The following RPGRIP1L variants were observed in gnomAD, a reference collection of about 807,000 sequenced individuals.
RPGRIP1L encodes the protein protein fantom.
Under a neutral mutation model 160.4 loss-of-function variants are expected in RPGRIP1L, and 131 were observed. The observed-to-expected ratio is 0.82, with a 90% CI of 0.71 to 0.94. The LOEUF (loss-of-function observed/expected upper bound fraction) is 0.94. Ranked by LOEUF, RPGRIP1L falls within the 40% of genes least tolerant of loss-of-function variation. The pLI is 0.00. For missense variants in RPGRIP1L, 1,522 were observed against 1,535.8 expected (o/e 0.99, Z 0.15); for synonymous variants, 510 against 515.8 (o/e 0.99, Z 0.15).
intron 1 of RPGRIP1L, among the ~76,000 whole-genome samples, chr16:53,702,994 C>A (rs556291403): frequency 6.1e-4 from 93 of 152,266 alleles, no homozygotes; most frequent in African/African-American, 2.2e-3. Context: ...ATTGGCTGTG[C>A]GTGGTGGCTC....
chr16:53,696,137 C>T lies in RPGRIP1L; in HGVS notation c.230+14G>A, dbSNP rs1970739259. On this transcript the variant is annotated intron_variant, in intron 3 of 26. Transcript: ENST00000647211. ...CTGAGTCAAGAAAAAAAGCTAAAAG[C>T]TTTTTATCATAACCTTTTAATTTTA... 1 of 1,612,854 alleles carries T rather than the reference C, an allele frequency of 6.2e-7. No homozygotes were observed. The highest frequency in any genetic ancestry group is 1.3e-5 in the African/African-American group (1 of 74,988).
intron 15 of RPGRIP1L, among the ~76,000 whole-genome samples, chr16:53,650,288 C>T (rs1966841748): frequency 6.6e-6 from 1 of 152,164 alleles, no homozygotes; most frequent in African/African-American, 2.4e-5. Context: ...CAAGAAGGCC[C>T]TTACCAGATG....
chr16:53,620,969 C>T (rs551598232), intron 23 of RPGRIP1L, among the ~76,000 whole-genome samples: 2 of 152,122 alleles, frequency 1.3e-5, no homozygotes, highest in African/African-American at 4.8e-5. Flanking sequence ...ATAGCAATAA[C>T]ATCTTATACA....
intron 14 of RPGRIP1L, among the ~76,000 whole-genome samples, chr16:53,654,599 T>A (rs1435835949): frequency 6.6e-6 from 1 of 152,184 alleles, no homozygotes; most frequent in Non-Finnish European, 1.5e-5. Context: ...ACATAACCAT[T>A]TATTTACTTG....
intron 21 of RPGRIP1L, among the ~76,000 whole-genome samples, chr16:53,637,212 A>C (rs149080876): frequency 8.3e-4 from 126 of 152,294 alleles, no homozygotes; most frequent in Admixed American, 2.0e-3. Flanking sequence ...CACCACAGTT[A>C]AGACAGTGAA....
intron 7 of RPGRIP1L, 95 bp downstream of exon 7, chr16:53,674,922 G>A: frequency 1.3e-6 from 1 of 758,952 alleles, no homozygotes. Flanking sequence ...ATGTTCTAGT[G>A]TTATGATAAT....
chr16:53,621,466 C>T (rs1244578906), intron 23 of RPGRIP1L, among the ~76,000 whole-genome samples: 2 of 147,680 alleles, frequency 1.4e-5, no homozygotes, highest in East Asian at 2.0e-4. Flanking sequence ...TACACTACTG[C>T]CATTACTTCG....
chr16:53,684,836 T>C (rs527681339), intron 6 of RPGRIP1L, among the ~76,000 whole-genome samples: 6 of 151,208 alleles, frequency 4.0e-5, no homozygotes, highest in South Asian at 4.2e-4. Flanking sequence ...CCAAAAGCAA[T>C]TGCAGCAAAA....
At chr16:53,664,134 T>C (rs886959448) in intron 10 of RPGRIP1L, among the ~76,000 whole-genome samples, 2 of 152,202 alleles carry the variant, frequency 1.3e-5, no homozygotes, top group African/African-American at 4.8e-5. Context: ...AGCAAATAAT[T>C]CATTTCCCCT....
chr16:53,637,155 C>G (rs1030904406), intron 21 of RPGRIP1L, among the ~76,000 whole-genome samples: 1 of 152,052 alleles, frequency 6.6e-6, no homozygotes, highest in African/African-American at 2.4e-5. Context: ...CAACACTATG[C>G]CTGGCTAAAA....
chr16:53,650,756 C>T (rs1966846643), intron 15 of RPGRIP1L, among the ~76,000 whole-genome samples: 3 of 151,458 alleles, frequency 2.0e-5, no homozygotes, highest in African/African-American at 2.4e-5. Flanking sequence ...CCTAAGTCAC[C>T]CTCCTTCCTT....
chr16:53,671,238 T>C (rs191799664), intron 9 of RPGRIP1L, among the ~76,000 whole-genome samples: 10 of 152,288 alleles, frequency 6.6e-5, no homozygotes, highest in African/African-American at 2.4e-4. Context: ...GCATGGTGTC[T>C]GTTAGTTTAT....
intron 22 of RPGRIP1L, chr16:53,628,738 T>C (rs1965329057): frequency 6.6e-6 from 1 of 152,224 alleles, no homozygotes; most frequent in Non-Finnish European, 1.5e-5. Context: ...TAACATGTTC[T>C]GTTAAAATGT....
chr16:53,647,771 T>C (rs1173758455), intron 16 of RPGRIP1L, among the ~76,000 whole-genome samples: 1 of 152,216 alleles, frequency 6.6e-6, no homozygotes, highest in Non-Finnish European at 1.5e-5. Context: ...TATCCCTCTG[T>C]TACTCAATGT....
At chr16:53,637,146 A>G (rs1308241232) in intron 21 of RPGRIP1L, among the ~76,000 whole-genome samples, 2 of 152,032 alleles carry the variant, frequency 1.3e-5, no homozygotes, top group East Asian at 3.9e-4. Context: ...ACAGATGTGC[A>G]ACACTATGCC....
chr16:53,652,782 A>G lies in RPGRIP1L; in HGVS notation c.1905T>C (p.Tyr635=), dbSNP rs1353551542. The part of the protein sequence containing the change: ...GDKEPVTFCT[Y]AFYDFELQTT... Reference sequence around the variant, plus strand: ...TCTGTAGTTCAAAATCATAGAAAGCATAGGTACAGAAAGTGACAGGCTCTT... The same window carrying G: ...TCTGTAGTTCAAAATCATAGAAAGCGTAGGTACAGAAAGTGACAGGCTCTT... Residue 635 remains tyrosine (Y), a synonymous_variant, in exon 15 of 27, where the codon TAT becomes TAC. Transcript: ENST00000647211. The G allele has an allele frequency of 6.2e-7, 1 of 1,614,174 alleles. No homozygotes were observed. Among genetic ancestry groups the G allele is most frequent in the South Asian group, 1.1e-5 (1 of 91,080 alleles).
At chr16:53,653,152 A>G in intron 14 of RPGRIP1L, 165 bp from the exon 15 acceptor site, 1 of 413,478 alleles carries the variant, frequency 2.4e-6, no homozygotes, top group Non-Finnish European at 3.3e-6. Flanking sequence ...ACAAAAATTT[A>G]TCATTTCTGT....
In RPGRIP1L at chr16:53,641,036, A is replaced by T; in HGVS notation, c.2955T>A (p.Ser985Arg). 6.2e-7 allele frequency: 1 copy of T among 1,606,084 alleles called. No homozygotes were observed. The highest frequency in any genetic ancestry group is 1.1e-5 in the South Asian group (1 of 90,926). ...VSFVDIMPHQ[S>R]DETSPPPEDR... ...ATTTTCAGTGTCTACTACTTACATCACTCTGATGTGGCATGATATCCACGA... is the reference window on the plus strand; with the variant it reads ...ATTTTCAGTGTCTACTACTTACATCTCTCTGATGTGGCATGATATCCACGA... The change falls in exon 19 of 27, where the codon AGT becomes AGA. Residue 985 changes from serine (S) to arginine (R), a missense_variant. By Grantham distance (110) the Ser-to-Arg change is moderately radical. Coordinates refer to ENST00000647211, the MANE Select transcript of RPGRIP1L (RefSeq NM_015272.5).
At chr16:53,659,958 G>A (rs1302620746) in intron 10 of RPGRIP1L, 3 of 152,096 alleles carry the variant, frequency 2.0e-5, no homozygotes, top group Non-Finnish European at 4.4e-5. Context: ...CTTGGAGCTA[G>A]TGCTAAGAAA....
Sources: allele counts gnomAD v4.1 joint callset (sites outside exome capture counted in the v4.1 genomes callset), GRCh38; gene constraint gnomAD v4.1.1; transcripts MANE v1.5; gene names NCBI Gene and HGNC (gene_info 2026-07-23, HGNC 2026-07-21).